BBOX1: variants seen among roughly 807,000 people sequenced by gnomAD.
BBOX1 encodes gamma-butyrobetaine dioxygenase.
A neutral mutation model predicts 41.6 loss-of-function variants in BBOX1; 35 were observed. That is an observed-to-expected ratio of 0.84 (90% CI 0.64 to 1.11). The LOEUF (loss-of-function observed/expected upper bound fraction) is 1.11, where lower values mean the gene tolerates loss of function less well. BBOX1 is among the 50% of genes most tolerant of loss of function. BBOX1 has a pLI of 0.00. For synonymous variants in BBOX1, 163 were observed against 154.7 expected, an observed-to-expected ratio of 1.05 and a Z score of -0.40; for missense variants, 458 against 460.6, an observed-to-expected ratio of 0.99 and a Z score of 0.05.
intron 2 of BBOX1, among the ~76,000 whole-genome samples, chr11:27,051,409 T>C (rs1043760667): frequency 1.3e-5 from 2 of 152,058 alleles, no homozygotes; most frequent in African/African-American, 4.8e-5. Flanking sequence ...AGAATTTGTG[T>C]TAATTCTTCT....
chr11:27,070,437 C>A (rs12269821), intron 4 of BBOX1, among the ~76,000 whole-genome samples: 12,624 of 152,062 alleles, frequency 0.083, 1,684 homozygotes, highest in African/African-American at 0.29. Flanking sequence ...AATTTGGGAG[C>A]TCCAGAGTTA....
chr11:27,116,792 A>C (rs1436473369), intron 6 of BBOX1, among the ~76,000 whole-genome samples: 2 of 152,008 alleles, frequency 1.3e-5, no homozygotes, highest in Non-Finnish European at 2.9e-5. Flanking sequence ...TGGTCTAAGG[A>C]AGTAATAAAT....
intron 2 of BBOX1, among the ~76,000 whole-genome samples, chr11:27,051,884 T>C (rs1213560504): frequency 6.6e-6 from 1 of 152,028 alleles, no homozygotes; most frequent in Non-Finnish European, 1.5e-5. Context: ...AGCTAGATTG[T>C]TTATTTAAGA....
rs1858320172 is a variant in BBOX1 at position 27,093,367 on chromosome 11, GT to G, written c.533+2del. ...GTTTCCTCTATCTCACATTTTATGG[GT>G]GAGTCACCAAATGGTTTGTATTCTG... On this transcript the variant is annotated splice_donor_variant, in intron 5 of 8. Coordinates refer to ENST00000263182, the MANE Select transcript of BBOX1 (RefSeq NM_003986.3). LOFTEE classifies it high-confidence loss of function. The G allele has an allele frequency of 6.2e-7, 1 of 1,611,648 alleles. No individual in the cohort carries two copies. The highest frequency in any genetic ancestry group is 1.1e-5 in the South Asian group (1 of 91,018).
intron 4 of BBOX1, among the ~76,000 whole-genome samples, chr11:27,064,866 T>C (rs1318000062): frequency 6.7e-6 from 1 of 149,520 alleles, no homozygotes. Flanking sequence ...TGGGTCTAGG[T>C]AGACCCATGG....
chr11:27,106,377 A>G (rs1858864129), intron 5 of BBOX1, among the ~76,000 whole-genome samples: 1 of 152,096 alleles, frequency 6.6e-6, no homozygotes, highest in Admixed American at 6.6e-5. Context: ...TAGGCTCAAA[A>G]TAAAGGGATG....
chr11:27,102,993 A>T (rs1400470299), intron 5 of BBOX1, among the ~76,000 whole-genome samples: 1 of 152,062 alleles, frequency 6.6e-6, no homozygotes, highest in Non-Finnish European at 1.5e-5. Context: ...GTTTGAGACT[A>T]GCCTGGCCAA....
chr11:27,115,406 G>T, intron 5 of BBOX1, 46 bp from the exon 6 acceptor site: 1 of 1,479,878 alleles, frequency 6.8e-7, no homozygotes. Context: ...CATTTCCTCT[G>T]GCTTAGTGAC....
intron 4 of BBOX1, among the ~76,000 whole-genome samples, chr11:27,078,544 G>C (rs1439867199): frequency 6.6e-6 from 1 of 152,078 alleles, no homozygotes; most frequent in Non-Finnish European, 1.5e-5. Flanking sequence ...CATGGATGAA[G>C]CTGGAAACCA....
At chr11:27,094,529 G>A (rs1858367726) in intron 5 of BBOX1, among the ~76,000 whole-genome samples, 1 of 151,936 alleles carries the variant, frequency 6.6e-6, no homozygotes, top group South Asian at 2.1e-4. Flanking sequence ...AGCAACAACA[G>A]AGCCTAAATC....
intron 4 of BBOX1, among the ~76,000 whole-genome samples, chr11:27,071,103 G>A (rs572959882): frequency 3.4e-4 from 52 of 152,154 alleles, no homozygotes; most frequent in African/African-American, 1.1e-3. Flanking sequence ...GGTCAGGTGC[G>A]GTGGCTCATG....
Position 27,055,548 on chromosome 11 carries a change from T to C in BBOX1, c.118T>C (p.Cys40Arg). 1.2e-6 allele frequency: 2 copies of C among 1,614,208 alleles called. No individual in the cohort carries two copies. The highest frequency in any genetic ancestry group is 1.7e-6 in the Non-Finnish European group (2 of 1,180,026). Residue 40 changes from cysteine (C) to arginine (R), a missense_variant, in exon 3 of 9, where the codon TGC (cysteine) becomes CGC (arginine). Cys to Arg is a radical substitution (Grantham distance 180). Coordinates refer to ENST00000263182, the MANE Select transcript of BBOX1 (RefSeq NM_003986.3). ...TGTATGGTTGAGAGACAACTGTCCG[T>C]GCTCTGATTGCTACCTGGATTCTGC... is the stretch of plus-strand genomic sequence containing the variant. ...PAVWLRDNCP[C>R]SDCYLDSAKA...
At chr11:27,094,970 G>T (rs1372904) in intron 5 of BBOX1, among the ~76,000 whole-genome samples, 5 of 151,872 alleles carry the variant, frequency 3.3e-5, no homozygotes, top group African/African-American at 9.7e-5. Flanking sequence ...TCATTTAATT[G>T]TCACAACAAC....
At chr11:27,062,989 C>T (rs1181126805) in intron 4 of BBOX1, 1 of 152,252 alleles carries the variant, frequency 6.6e-6, no homozygotes, top group South Asian at 2.1e-4. Flanking sequence ...TTGATCGTGG[C>T]TCTGAGTTTG....
At chr11:27,085,905 G>T (rs959517468) in intron 4 of BBOX1, among the ~76,000 whole-genome samples, 3 of 152,092 alleles carry the variant, frequency 2.0e-5, no homozygotes, top group African/African-American at 7.2e-5. Flanking sequence ...CTGATGTGGA[G>T]AAAGTTTGAG....
intron 3 of BBOX1, among the ~76,000 whole-genome samples, chr11:27,056,009 T>TA (rs1856968771): frequency 6.6e-6 from 1 of 152,116 alleles, no homozygotes; most frequent in Non-Finnish European, 1.5e-5. Flanking sequence ...TTACTAGGAT[T>TA]CTTATTATGC....
At chr11:27,099,194 A>G (rs147213919) in intron 5 of BBOX1, among the ~76,000 whole-genome samples, 2 of 151,988 alleles carry the variant, frequency 1.3e-5, no homozygotes, top group African/African-American at 2.4e-5. Context: ...GCAGAAGAGA[A>G]TAAAACTTCT....
chr11:27,086,464 T>C (rs1858043243), intron 4 of BBOX1, among the ~76,000 whole-genome samples: 1 of 152,132 alleles, frequency 6.6e-6, no homozygotes, highest in Admixed American at 6.5e-5. Context: ...CATACGTCTA[T>C]TTACAGCATG....
intron 5 of BBOX1, among the ~76,000 whole-genome samples, chr11:27,097,689 A>G (rs1194080651): frequency 2.0e-5 from 3 of 152,158 alleles, no homozygotes; most frequent in South Asian, 2.1e-4. Flanking sequence ...CTGAGGGAAC[A>G]TGACAGTCAA....
Sources: allele counts gnomAD v4.1 joint callset (sites outside exome capture counted in the v4.1 genomes callset), GRCh38; gene constraint gnomAD v4.1.1; transcripts MANE v1.5; gene names NCBI Gene and HGNC (gene_info 2026-07-23, HGNC 2026-07-21).